The following PRSS23 variants were observed in gnomAD, a reference collection of about 807,000 sequenced individuals.
The protein encoded by PRSS23 is protease, serine 23.
PRSS23 carries 25 observed loss-of-function variants against 34.7 expected under a neutral mutation model. The ratio of observed to expected loss-of-function variants is 0.72; its 90% CI spans 0.53 to 1.01. The LOEUF is 1.01. Ranked by LOEUF, PRSS23 falls within the 50% of genes least tolerant of loss-of-function variation. The pLI, the probability that PRSS23 is intolerant of heterozygous loss-of-function variation, is 0.00. For missense variants in PRSS23, 445 were observed against 475.6 expected (o/e 0.94, Z 0.60); for synonymous variants, 176 against 186.6 (o/e 0.94, Z 0.46).
chr11:86,912,636 T>A (rs1432035619), intron 2 of PRSS23, among the ~76,000 whole-genome samples: 4 of 152,206 alleles, frequency 2.6e-5, no homozygotes, highest in Non-Finnish European at 4.4e-5. Context: ...GGTTCTTTTT[T>A]TAATTTCTAT....
At chr11:86,943,644 A>AATAAG (rs1949220980) in intron 2 of PRSS23, among the ~76,000 whole-genome samples, 7 of 152,114 alleles carry the variant, frequency 4.6e-5, no homozygotes, top group Non-Finnish European at 1.0e-4. Flanking sequence ...AATAAAATAA[A>AATAAG]ATAGAAAAAA....
At chr11:86,858,144 T>C (rs1464224875) in intron 2 of PRSS23, among the ~76,000 whole-genome samples, 1 of 152,042 alleles carries the variant, frequency 6.6e-6, no homozygotes, top group East Asian at 1.9e-4. Flanking sequence ...TTGTTCCTAA[T>C]ATCCAGTGGG....
intron 2 of PRSS23, chr11:86,921,319 C>T (rs1361838222): frequency 6.6e-6 from 1 of 152,174 alleles, no homozygotes; most frequent in Admixed American, 6.5e-5. Flanking sequence ...CAGATTCATC[C>T]TTACTTTCTT....
chr11:86,808,737 A>C lies in PRSS23; in HGVS notation c.1094A>C (p.Lys365Thr), dbSNP rs755963605. ...FNVAVRITPL[K>T]YAQICYWIKG... ...GTGGCTGTCAGAATCACTCCTCTCA[A>C]ATATGCCCAGATTTGCTATTGGATT... The change falls in exon 2 of 2, where the codon AAA (lysine) becomes ACA (threonine). Residue 365 changes from lysine to threonine, a missense_variant. Physicochemically the swap from Lys to Thr is moderately conservative, Grantham distance 78 (BLOSUM62 -1). Transcript: ENST00000280258. The C allele has an allele frequency of 6.2e-7, 1 of 1,614,114 alleles. No homozygotes were observed. Among genetic ancestry groups the C allele is most frequent in the East Asian group, 2.2e-5 (1 of 44,874 alleles).
At chr11:86,795,091 T>A (rs926781752) in intron 1 of PRSS23, among the ~76,000 whole-genome samples, 1 of 152,184 alleles carries the variant, frequency 6.6e-6, no homozygotes, top group Admixed American at 6.5e-5. Flanking sequence ...CTGGGATACA[T>A]TTTTTCTTAT....
intron 2 of PRSS23, chr11:86,910,780 A>G (rs1209447113): frequency 6.6e-6 from 1 of 152,154 alleles, no homozygotes. Context: ...CTACAAAACC[A>G]AGTTCTCCCA....
In PRSS23 at chr11:86,827,060, A is replaced by C. The variant is rs1437258280; in HGVS notation, c.206+3467A>C. 6.6e-5 allele frequency among the ~76,000 whole-genome samples: 10 copies of C among 152,258 alleles called. No homozygotes were observed. In the East Asian group the frequency reaches 1.9e-3, roughly 29 times the overall value. ...TTTCTATTGATTGGAATAGTTTCAG[A>C]AGGAATGGTACCAGTTCCTCCTTGT... On this transcript the variant is annotated intron_variant, in intron 2 of 2. Transcript: ENST00000533902.
At chr11:86,801,027 A>G (rs1442860129) in intron 1 of PRSS23, among the ~76,000 whole-genome samples, 1 of 152,104 alleles carries the variant, frequency 6.6e-6, no homozygotes, top group Admixed American at 6.5e-5. Context: ...CACCACCACC[A>G]CTACTTCTTT....
exon 3 of PRSS23, chr11:86,952,030 C>G (rs1479938125): frequency 6.2e-7 from 1 of 1,614,032 alleles, no homozygotes; most frequent in South Asian, 1.1e-5. Context: ...AAGAATCGAT[C>G]AGGAAGGTCA....
intron 2 of PRSS23, among the ~76,000 whole-genome samples, chr11:86,856,760 T>C (rs1413382204): frequency 6.6e-6 from 1 of 152,168 alleles, no homozygotes; most frequent in East Asian, 1.9e-4. Context: ...AATGAATTAC[T>C]TCCTGTATAT....
chr11:86,827,766 A>C (rs1399996111), intron 2 of PRSS23, among the ~76,000 whole-genome samples: 1 of 152,216 alleles, frequency 6.6e-6, no homozygotes, highest in Non-Finnish European at 1.5e-5. Context: ...GTAGTCATTC[A>C]GGAGCAGGTT....
intron 1 of PRSS23, among the ~76,000 whole-genome samples, chr11:86,802,679 A>G (rs1948054002): frequency 6.6e-6 from 1 of 152,218 alleles, no homozygotes; most frequent in Non-Finnish European, 1.5e-5. Context: ...TAGAGAATAC[A>G]TGACCTAAGG....
intron 2 of PRSS23, chr11:86,933,777 C>T (rs1949142058): frequency 6.6e-6 from 1 of 152,212 alleles, no homozygotes. Context: ...CTGCTCTTTC[C>T]ACTACATAAA....
intron 2 of PRSS23, chr11:86,935,808 T>C (rs1949158042): frequency 6.6e-6 from 1 of 152,208 alleles, no homozygotes; most frequent in Non-Finnish European, 1.5e-5. Flanking sequence ...GTACATGCTC[T>C]TTCTACTACT....
At chr11:86,876,221 G>A (rs1246403501) in intron 2 of PRSS23, among the ~76,000 whole-genome samples, 1 of 152,072 alleles carries the variant, frequency 6.6e-6, no homozygotes, top group Non-Finnish European at 1.5e-5. Context: ...ATCACCAGAT[G>A]CTTGCCATGT....
chr11:86,933,089 T>G (rs1319617300), intron 2 of PRSS23: 2 of 151,988 alleles, frequency 1.3e-5, no homozygotes, highest in Non-Finnish European at 2.9e-5. Context: ...AGGCAGGGGG[T>G]GGGTGGCTAC....
intron 2 of PRSS23, among the ~76,000 whole-genome samples, chr11:86,861,461 G>A (rs1006374597): frequency 2.0e-5 from 3 of 151,598 alleles, no homozygotes; most frequent in Non-Finnish European, 4.4e-5. Flanking sequence ...TTGTATTATC[G>A]GTGGGGAAGT....
At chr11:86,910,494 G>T (rs1221187485) in intron 2 of PRSS23, 1 of 152,180 alleles carries the variant, frequency 6.6e-6, no homozygotes, top group East Asian at 1.9e-4. Flanking sequence ...ATATGTTTTA[G>T]TATTTTGCAG....
chr11:86,895,449 TTTTACTGTA>T (rs985088959), intron 2 of PRSS23, among the ~76,000 whole-genome samples: 2 of 151,872 alleles, frequency 1.3e-5, no homozygotes, highest in Non-Finnish European at 2.9e-5. Context: ...TATCTGGATT[TTTTACTGTA>T]TTTATCCTTT....
Sources: gnomAD v4.1 joint callset for allele counts (sites outside exome capture counted in the v4.1 genomes callset) on GRCh38, gnomAD v4.1.1 for gene constraint, MANE v1.5 for transcripts, NCBI Gene and HGNC (gene_info 2026-07-23, HGNC 2026-07-21) for gene names.